The following BRWD1 variants were observed in gnomAD, a reference collection of about 807,000 sequenced individuals.
The protein encoded by BRWD1 is bromodomain and WD repeat-containing protein 1.
Under a neutral mutation model 251.2 loss-of-function variants are expected in BRWD1, and 82 were observed. The ratio of observed to expected loss-of-function variants is 0.33; its 90% CI spans 0.27 to 0.39. BRWD1 has a LOEUF of 0.39. Among genes scored for constraint, BRWD1 ranks in the 10% least tolerant of loss-of-function variants. The probability of loss-of-function intolerance (pLI) is 1.00; values close to 1 mark genes in which losing one functional copy is unlikely to be tolerated. For missense variants in BRWD1, 2,233 were observed against 2,711.6 expected, an observed-to-expected ratio of 0.82 and a Z score of 3.92; for synonymous variants, 918 against 902.8, an observed-to-expected ratio of 1.02 and a Z score of -0.30.
intron 4 of BRWD1, 109 bp downstream of exon 4, chr21:39,312,732 G>T: frequency 2.7e-6 from 2 of 747,384 alleles, no homozygotes; most frequent in Non-Finnish European, 4.2e-6. Context: ...CCGCCCCCCA[G>T]TGCGGGTCAC....
At chr21:39,213,408 C>A in intron 33 of BRWD1, 73 bp downstream of exon 33, 2 of 387,226 alleles carry the variant, frequency 5.2e-6, no homozygotes, top group South Asian at 9.9e-5. Context: ...TACTACAAAG[C>A]CAACATTTTC....
At chr21:39,204,964 A>G (rs2032319527) in intron 37 of BRWD1, among the ~76,000 whole-genome samples, 2 of 152,178 alleles carry the variant, frequency 1.3e-5, no homozygotes, top group African/African-American at 4.8e-5. Flanking sequence ...CCGACTCTAT[A>G]TTAAAGAGCC....
Position 39,192,280 on chromosome 21 carries a change from TCA to T in BRWD1, c.*3977_*3978del, listed in dbSNP as rs1227781796. ...TACTTTACTTTTCAATCCTTACTAT[TCA>T]CAGTTTGAGCTAGGAATTAACATTT... On this transcript the variant is annotated 3_prime_UTR_variant, in exon 41 of 41. Coordinates refer to ENST00000342449, the MANE Select transcript of BRWD1 (RefSeq NM_033656.4). 6.1e-6 allele frequency: 6 copies of T among 985,126 alleles called. No individual in the cohort carries two copies. Among genetic ancestry groups the T allele is most frequent in the Non-Finnish European group, 7.2e-6 (6 of 829,810 alleles). The allele number at this position is 985,126 out of a possible 1,614,324, so 61.0% of individuals were successfully genotyped here.
In BRWD1 at chr21:39,255,785, A is replaced by G. The variant is rs1372879293; in HGVS notation, c.2115T>C (p.Ile705=). ...LSLDIQSPPN[I]GLRRSGQVEG... Reference sequence around the variant, plus strand: ...CAACTTGTCCACTACGACGCAGACCAATATTTGGAGGGGACTGAATGTCTA... The same window carrying G: ...CAACTTGTCCACTACGACGCAGACCGATATTTGGAGGGGACTGAATGTCTA... The change falls in exon 19 of 41, where the codon ATT becomes ATC. Residue 705 remains isoleucine (I), a synonymous_variant. Coordinates refer to ENST00000342449, the MANE Select transcript of BRWD1 (RefSeq NM_033656.4). 5 of 1,614,172 alleles carry G rather than the reference A, an allele frequency of 3.1e-6. No homozygotes were observed. The East Asian group carries it at 1.1e-4, about 36-fold the overall frequency.
upstream of BRWD1, chr21:39,313,860 T>G (rs886453783): frequency 1.5e-5 from 5 of 340,828 alleles, no homozygotes; most frequent in South Asian, 4.8e-5. Flanking sequence ...GGGCGCGTGG[T>G]CCGAATCCCT....
intron 23 of BRWD1, among the ~76,000 whole-genome samples, chr21:39,236,202 T>G (rs1198456748): frequency 6.6e-6 from 1 of 152,180 alleles, no homozygotes; most frequent in Non-Finnish European, 1.5e-5. Flanking sequence ...GCCCCAGTCC[T>G]GCAAAGGACT....
intron 5 of BRWD1, chr21:39,298,010 A>C: frequency 1.0e-6 from 1 of 986,050 alleles, no homozygotes; most frequent in Non-Finnish European, 1.2e-6. Context: ...GCTGCTACCA[A>C]ATTTAGAAAA....
At chr21:39,238,697 GTAAA>G in intron 21 of BRWD1, 124 bp from the exon 22 acceptor site, 2 of 634,004 alleles carry the variant, frequency 3.2e-6, no homozygotes, top group Non-Finnish European at 5.6e-6. Context: ...ACAGTAATCA[GTAAA>G]TATATAATCA....
Position 39,187,589 on chromosome 21 carries a change from T to G in BRWD1, c.*8670A>C. ...AGGGCTTCTTCACATTGATATAACCTTACATTTGCTTATCTACAACTATAA... is the reference window on the plus strand; with the variant it reads ...AGGGCTTCTTCACATTGATATAACCGTACATTTGCTTATCTACAACTATAA... On this transcript the variant is annotated 3_prime_UTR_variant, in exon 41 of 41. Coordinates refer to ENST00000342449, the MANE Select transcript of BRWD1 (RefSeq NM_033656.4). 1.0e-6 allele frequency: 1 copy of G among 985,150 alleles called. No homozygotes were observed. Among genetic ancestry groups the G allele is most frequent in the Non-Finnish European group, 1.2e-6 (1 of 829,692 alleles). The allele number at this position is 985,150 out of a possible 1,614,324, so 61.0% of individuals were successfully genotyped here.
rs2031474352 is a variant in BRWD1, at chr21:39,190,186, T to A, written c.*6073A>T. The A allele has an allele frequency of 2.0e-6, 2 of 984,382 alleles. No individual in the cohort carries two copies. Among genetic ancestry groups the A allele is most frequent in the Non-Finnish European group, 2.4e-6 (2 of 829,158 alleles). 61.0% of individuals were successfully genotyped at this position (984,382 alleles called of 1,614,324 possible). ...ACATAACAGTTCTGACTCAACACAA[T>A]CTCTAGTTTCTACATTTCAAGGATT... On this transcript the variant is annotated 3_prime_UTR_variant, in exon 41 of 41. Transcript: ENST00000342449.
In BRWD1 at chr21:39,196,052, AT is replaced by A. The variant is rs1240984732; in HGVS notation, c.*206del. The A allele has an allele frequency of 7.8e-7, 1 of 1,286,622 alleles. No individual in the cohort carries two copies. The highest frequency in any genetic ancestry group is 1.5e-5 in the African/African-American group (1 of 64,736). 79.7% of individuals were successfully genotyped at this position (1,286,622 alleles called of 1,614,324 possible). A position where few individuals can be genotyped will look rare whatever the true frequency, so the allele number is the denominator to read the frequency against. ...AATAGATCTGCCCCCAAAATGAAGC[AT>A]ATTTTGGCACCTGTGCTGAATGCTG... On this transcript the variant is annotated 3_prime_UTR_variant, in exon 41 of 41. Transcript: ENST00000342449.
Position 39,189,946 on chromosome 21 carries a change from A to G in BRWD1, c.*6313T>C, listed in dbSNP as rs2146437256. The G allele has an allele frequency of 1.0e-5, 10 of 985,400 alleles. No homozygotes were observed. The highest frequency in any genetic ancestry group is 1.1e-4 in the East Asian group (1 of 8,808). The allele number at this position is 985,400 out of a possible 1,614,324, so 61.0% of individuals were successfully genotyped here. Reference sequence around the variant, plus strand: ...TACTGCCTCAGATGAGTCTTGTTTCAGTCATGGGTTTACAAAGTCATTGAG... The same window carrying G: ...TACTGCCTCAGATGAGTCTTGTTTCGGTCATGGGTTTACAAAGTCATTGAG... On this transcript the variant is annotated 3_prime_UTR_variant, in exon 41 of 41. Transcript: ENST00000342449.
chr21:39,203,387 T>C (rs7281540), intron 37 of BRWD1, among the ~76,000 whole-genome samples: 15,299 of 149,972 alleles, frequency 0.1, 913 homozygotes, highest in East Asian at 0.14. Flanking sequence ...TACGATGACA[T>C]TATGATCACA....
intron 5 of BRWD1, chr21:39,298,061 T>G: frequency 1.0e-6 from 1 of 989,044 alleles, no homozygotes; most frequent in Non-Finnish European, 1.2e-6. Context: ...AAGCTAAATA[T>G]CAAATGAAAT....
chr21:39,226,602 C>T (rs2033393169), intron 27 of BRWD1, among the ~76,000 whole-genome samples: 1 of 152,184 alleles, frequency 6.6e-6, no homozygotes, highest in Non-Finnish European at 1.5e-5. Flanking sequence ...ATTTGGAACA[C>T]AACTATACAA....
chr21:39,293,191 T>C (rs968729376), intron 8 of BRWD1, among the ~76,000 whole-genome samples: 1 of 152,186 alleles, frequency 6.6e-6, no homozygotes, highest in African/African-American at 2.4e-5. Context: ...AAACTTTAAA[T>C]ATTTTGGTAA....
chr21:39,207,651 G>A (rs945223392), intron 36 of BRWD1, among the ~76,000 whole-genome samples: 13 of 152,218 alleles, frequency 8.5e-5, no homozygotes, highest in African/African-American at 2.6e-4. Context: ...TCTACTCTTA[G>A]GTCTATACCC....
upstream of BRWD1, among the ~76,000 whole-genome samples, chr21:39,315,198 T>A (rs952490646): frequency 5.2e-4 from 79 of 151,796 alleles, no homozygotes; most frequent in African/African-American, 1.8e-3. Context: ...AGGGACGGGT[T>A]TCACCATGTT....
upstream of BRWD1, among the ~76,000 whole-genome samples, chr21:39,318,804 A>C (rs2036722332): frequency 6.6e-6 from 1 of 152,018 alleles, no homozygotes; most frequent in African/African-American, 2.4e-5. Context: ...TGTTTTTTAG[A>C]GATGCGGGTC....
Sources: gnomAD v4.1 joint callset for allele counts (sites outside exome capture counted in the v4.1 genomes callset) on GRCh38, gnomAD v4.1.1 for gene constraint, MANE v1.5 for transcripts, NCBI Gene and HGNC (gene_info 2026-07-23, HGNC 2026-07-21) for gene names.